ATP10B: variants seen among roughly 807,000 people sequenced by gnomAD.
The protein encoded by ATP10B is phospholipid-transporting ATPase VB.
ATP10B carries 122 observed loss-of-function variants against 141.2 expected under a neutral mutation model. The observed-to-expected ratio is 0.86, with a 90% CI of 0.75 to 1.00. The LOEUF (loss-of-function observed/expected upper bound fraction) is 1.00. ATP10B is among the 50% of genes least tolerant of loss of function. The pLI, the probability that ATP10B is intolerant of heterozygous loss-of-function variation, is 0.00. For missense variants in ATP10B, 1,876 were observed against 1,825.3 expected (o/e 1.03, Z -0.51); for synonymous variants, 685 against 692.0 (o/e 0.99, Z 0.16).
At chr5:160,860,129 G>T in the ATP10B span, among the ~76,000 whole-genome samples, 1 of 151,786 alleles carries the variant, frequency 6.6e-6, no homozygotes, top group Non-Finnish European at 1.5e-5. Context: ...TCAATTGTCT[G>T]CCCAGGGTTC....
intron 2 of ATP10B, among the ~76,000 whole-genome samples, chr5:160,740,177 G>C (rs781082767): frequency 1.3e-5 from 2 of 152,172 alleles, no homozygotes; most frequent in Non-Finnish European, 2.9e-5. Context: ...AGGCAATCCA[G>C]TTTTAACTAT....
chr5:160,790,257 T>C (rs1041571615), intron 1 of ATP10B, among the ~76,000 whole-genome samples: 42 of 152,180 alleles, frequency 2.8e-4, no homozygotes, highest in African/African-American at 9.9e-4. Context: ...AATCCTATCC[T>C]CAATTGCAAC....
At chr5:160,925,106 C>T in the ATP10B span, among the ~76,000 whole-genome samples, 1 of 152,126 alleles carries the variant, frequency 6.6e-6, no homozygotes, top group South Asian at 2.1e-4. Context: ...AACTAAATTC[C>T]CAGTGGAGTT....
chr5:160,717,098 A>AAC, intron 2 of ATP10B, 64 bp from the exon 3 acceptor site: 1 of 956,282 alleles, frequency 1.0e-6, no homozygotes, highest in Non-Finnish European at 1.2e-6. Context: ...TGCTATTTAT[A>AAC]TAAGGTTTAA....
intron 2 of ATP10B, among the ~76,000 whole-genome samples, chr5:160,729,915 G>A (rs1172284193): frequency 6.6e-6 from 1 of 152,046 alleles, no homozygotes; most frequent in Admixed American, 6.5e-5. Context: ...GCAATGAAGA[G>A]ATTTTTGAAG....
At chr5:160,589,936 T>C (rs1581161884) in intron 23 of ATP10B, among the ~76,000 whole-genome samples, 1 of 152,236 alleles carries the variant, frequency 6.6e-6, no homozygotes, top group Middle Eastern at 3.4e-3. Flanking sequence ...CATTGTGGAA[T>C]GAATGAAGAC....
At chr5:160,750,865 C>T (rs910465479) in intron 2 of ATP10B, among the ~76,000 whole-genome samples, 3 of 152,220 alleles carry the variant, frequency 2.0e-5, no homozygotes, top group African/African-American at 7.2e-5. Context: ...TCTCACTTCT[C>T]AGGGCCTCTG....
chr5:160,871,523 C>T, the ATP10B span, among the ~76,000 whole-genome samples: 1 of 151,912 alleles, frequency 6.6e-6, no homozygotes, highest in Non-Finnish European at 1.5e-5. Context: ...GCTCCCTTTT[C>T]CACTTTTCCC....
At chr5:160,838,886 A>G (rs915172426) in intron 1 of ATP10B, among the ~76,000 whole-genome samples, 1 of 152,142 alleles carries the variant, frequency 6.6e-6, no homozygotes, top group Non-Finnish European at 1.5e-5. Flanking sequence ...TTTAGCACCA[A>G]CCTCTTGGTG....
chr5:160,686,124 C>T lies in ATP10B; in HGVS notation c.425G>A (p.Arg142His), dbSNP rs372475838. The T allele has an allele frequency of 6.1e-5, 98 of 1,603,470 alleles. No homozygotes were observed. Among genetic ancestry groups the T allele is most frequent in the East Asian group, 2.9e-4 (13 of 44,624 alleles). The change falls in exon 6 of 26, where the codon CGC becomes CAC. Residue 142 changes from arginine (R) to histidine (H), a missense_variant. By Grantham distance (29) the Arg-to-His change is conservative. Transcript: ENST00000327245. ...GGAGCAGTTTATTGCTTTATCAAAG[C>T]GGTGTCTCTTGAAGTCCTCCATGCC... ...KDGMEDFKRH[R>H]FDKAINCSNI... is the part of the protein sequence containing the mutation.
chr5:160,827,987 C>T (rs1283918314), intron 1 of ATP10B, among the ~76,000 whole-genome samples: 1 of 152,104 alleles, frequency 6.6e-6, no homozygotes, highest in Non-Finnish European at 1.5e-5. Context: ...GTTTTGGTTA[C>T]TGTAGCCCTG....
At chr5:160,757,252 T>G (rs776636576) in intron 2 of ATP10B, among the ~76,000 whole-genome samples, 23 of 152,226 alleles carry the variant, frequency 1.5e-4, no homozygotes, top group Non-Finnish European at 2.5e-4. Flanking sequence ...TTTGTATGGG[T>G]TCACTTTCGG....
chr5:160,822,724 C>T (rs1024376995), intron 1 of ATP10B, among the ~76,000 whole-genome samples: 7 of 151,688 alleles, frequency 4.6e-5, no homozygotes, highest in Admixed American at 1.3e-4. Context: ...ATAGATGAAA[C>T]TGAAAGTCCT....
chr5:160,700,462 G>A (rs1764606936), intron 3 of ATP10B, among the ~76,000 whole-genome samples: 1 of 152,210 alleles, frequency 6.6e-6, no homozygotes, highest in Non-Finnish European at 1.5e-5. Context: ...ACCATGTTAA[G>A]GGACATTTCC....
At chr5:160,776,094 GGGGCAGCT>G (rs1770287924) in intron 2 of ATP10B, among the ~76,000 whole-genome samples, 1 of 152,132 alleles carries the variant, frequency 6.6e-6, no homozygotes, top group Non-Finnish European at 1.5e-5. Flanking sequence ...TAGGTGTCTT[GGGGCAGCT>G]TTATGAAGGG....
At chr5:160,642,393 C>T (rs914724989) in intron 9 of ATP10B, among the ~76,000 whole-genome samples, 27 of 152,170 alleles carry the variant, frequency 1.8e-4, no homozygotes, top group African/African-American at 6.0e-4. Flanking sequence ...GGGCCTTTGA[C>T]TCTGAGGCCC....
At chr5:160,862,285 G>A in the ATP10B span, among the ~76,000 whole-genome samples, 7 of 151,910 alleles carry the variant, frequency 4.6e-5, no homozygotes, top group South Asian at 2.1e-4. Context: ...TGATTCAATC[G>A]GTTAAAAGGT....
intron 8 of ATP10B, among the ~76,000 whole-genome samples, chr5:160,647,425 C>T (rs1354353158): frequency 1.3e-5 from 2 of 152,094 alleles, no homozygotes; most frequent in African/African-American, 4.8e-5. Context: ...ATCCATGAGG[C>T]CCAGTCATGT....
chr5:160,794,064 C>T (rs1171177272), intron 1 of ATP10B, among the ~76,000 whole-genome samples: 3 of 152,166 alleles, frequency 2.0e-5, no homozygotes, highest in Admixed American at 1.3e-4. Context: ...CTGTCATTGA[C>T]ATGTGACTGT....
Sources: gnomAD v4.1 joint callset for allele counts (sites outside exome capture counted in the v4.1 genomes callset) on GRCh38, gnomAD v4.1.1 for gene constraint, MANE v1.5 for transcripts, NCBI Gene and HGNC (gene_info 2026-07-23, HGNC 2026-07-21) for gene names.